Variants in SLC34A1 observed in about 807,000 individuals in gnomAD.
SLC34A1 encodes sodium-dependent phosphate transport protein 2A.
SLC34A1 carries 57 observed loss-of-function variants against 51.4 expected under a neutral mutation model. The observed-to-expected ratio is 1.11, with a 90% CI of 0.90 to 1.38. SLC34A1 has a LOEUF of 1.38. Ranked by LOEUF, SLC34A1 falls within the 40% of genes most tolerant of loss-of-function variation. SLC34A1 has a pLI of 0.00. For synonymous variants in SLC34A1, 368 were observed against 358.0 expected (o/e 1.03, Z -0.32); for missense variants, 796 against 835.6 (o/e 0.95, Z 0.58).
intron 8 of SLC34A1, among the ~76,000 whole-genome samples, chr5:177,393,003 G>C (rs1269557403): frequency 6.6e-6 from 1 of 152,166 alleles, no homozygotes; most frequent in African/African-American, 2.4e-5. Context: ...CTGCGTCCCT[G>C]GATGGTGACA....
chr5:177,386,685 T>C lies in SLC34A1; in HGVS notation c.532+119T>C. ...GCCTCCATTCAGCTTGACTCCTGTA[T>C]CAGCCAGGGACATGAGAGGAGCCCA... On this transcript the variant is annotated intron_variant, in intron 5 of 12. Coordinates refer to ENST00000324417, the MANE Select transcript of SLC34A1 (RefSeq NM_003052.5). The surrounding 1 kb of genome is among the most constrained non-coding windows in gnomAD (Gnocchi z 4.8). 8.2e-7 allele frequency: 1 copy of C among 1,223,670 alleles called. No homozygotes were observed. The highest frequency in any genetic ancestry group is 1.2e-6 in the Non-Finnish European group (1 of 843,502). 75.8% of individuals were successfully genotyped at this position (1,223,670 alleles called of 1,614,324 possible).
chr5:177,398,158 CTA>C lies in SLC34A1; in HGVS notation c.1794_1795del (p.Cys599LeufsTer5). On this transcript the variant is annotated frameshift_variant, in exon 13 of 13. Coordinates refer to ENST00000324417, the MANE Select transcript of SLC34A1 (RefSeq NM_003052.5). LOFTEE classifies it high-confidence loss of function. The surrounding 1 kb of genome is among the most constrained non-coding windows in gnomAD (Gnocchi z 4.7). ...GGACCACCTCATCACCCGCGCCACC[CTA>C]TGCTGTGCCAGGCCTGAGCCCCGCT... ...PLDHLITRAT[L>X]CCARPEPRSP... 1 of 1,612,936 alleles carries C rather than the reference CTA, an allele frequency of 6.2e-7. No individual in the cohort carries two copies. Among genetic ancestry groups the C allele is most frequent in the Non-Finnish European group, 8.5e-7 (1 of 1,179,678 alleles).
chr5:177,398,243 C>G lies in SLC34A1; in HGVS notation c.1877C>G (p.Pro626Arg). 1.2e-6 allele frequency: 2 copies of G among 1,600,136 alleles called. No individual in the cohort carries two copies. Among genetic ancestry groups the G allele is most frequent in the African/African-American group, 1.3e-5 (1 of 75,044 alleles). The part of the protein sequence containing the change: ...LEELPPATPS[P>R]RLALPAHHNA... ...GAGCTACCCCCTGCCACACCCTCCC[C>G]CCGTCTTGCACTGCCTGCTCACCAC... is the stretch of plus-strand genomic sequence containing the variant. The change falls in exon 13 of 13, where the codon CCC (proline) becomes CGC (arginine). Residue 626 changes from proline to arginine, a missense_variant. Coordinates refer to ENST00000324417, the MANE Select transcript of SLC34A1 (RefSeq NM_003052.5). This position sits in a 1 kb window ranked among gnomAD's most constrained non-coding sequence, Gnocchi z 4.7.
intron 5 of SLC34A1, 78 bp from the exon 6 acceptor site, chr5:177,387,683 TG>T: frequency 5.9e-6 from 7 of 1,194,164 alleles, no homozygotes; most frequent in Admixed American, 1.7e-5. Context: ...GGGACGTGGG[TG>T]GGGGGCCTGA....
In SLC34A1 at chr5:177,396,686, A is replaced by G. The variant is rs1488353673; in HGVS notation, c.1175-47A>G. On this transcript the variant is annotated intron_variant, in intron 10 of 12. Transcript: ENST00000324417. This position sits in a 1 kb window ranked among gnomAD's most constrained non-coding sequence, Gnocchi z 4.0. ...GCCCCCGCGGAGGTCTGCTCTCCCAATGTCCCCGCTCTGACCCCAGCCTGC... is the reference window on the plus strand; with the variant it reads ...GCCCCCGCGGAGGTCTGCTCTCCCAGTGTCCCCGCTCTGACCCCAGCCTGC... The G allele has an allele frequency of 1.0e-5, 16 of 1,556,666 alleles. 1 individual carries two copies. The highest frequency in any genetic ancestry group is 5.6e-5 in the South Asian group (5 of 89,878).
chr5:177,387,140 G>A (rs1220348894), intron 5 of SLC34A1, among the ~76,000 whole-genome samples: 1 of 151,880 alleles, frequency 6.6e-6, no homozygotes, highest in Non-Finnish European at 1.5e-5. Context: ...GGAGGCTGAG[G>A]GGGGCAGATC....
chr5:177,390,887 G>A (rs932442343), intron 8 of SLC34A1, among the ~76,000 whole-genome samples: 5 of 152,096 alleles, frequency 3.3e-5, no homozygotes, highest in African/African-American at 1.2e-4. Context: ...CTTCCAAAAT[G>A]CTTCCAACTA....
chr5:177,397,112 AGCT>A, intron 12 of SLC34A1, 38 bp downstream of exon 12: 1 of 1,605,960 alleles, frequency 6.2e-7, no homozygotes, highest in Admixed American at 1.7e-5. Flanking sequence ...GGCAGGATGG[AGCT>A]GCCTCTGGGG....
At chr5:177,390,354 G>C in intron 8 of SLC34A1, 2 of 985,646 alleles carry the variant, frequency 2.0e-6, no homozygotes, top group Non-Finnish European at 2.4e-6. Context: ...AACTATACCT[G>C]CCTGGATTAA....
In SLC34A1 at chr5:177,388,241, C is replaced by A. The variant is rs777207514; in HGVS notation, c.841-36C>A. The stretch of plus-strand genomic sequence containing the variant: ...AGGGTGGGGGTAACAAGGGACCCAG[C>A]CTCCTTCACTCCCCCTGCCCACATC... On this transcript the variant is annotated intron_variant, in intron 7 of 12. Transcript: ENST00000324417. This position sits in a 1 kb window ranked among gnomAD's most constrained non-coding sequence, Gnocchi z 4.3. 8 of 1,613,698 alleles carry A rather than the reference C, an allele frequency of 5.0e-6. No individual in the cohort carries two copies. In the East Asian group the frequency reaches 1.8e-4, roughly 36 times the overall value.
chr5:177,386,524 A>G lies in SLC34A1; in HGVS notation c.490A>G (p.Ser164Gly). Residue 164 changes from serine (S) to glycine (G), a missense_variant, in exon 5 of 13, where the codon AGC becomes GGC. Physicochemically the swap from Ser to Gly is moderately conservative, Grantham distance 56. Coordinates refer to ENST00000324417, the MANE Select transcript of SLC34A1 (RefSeq NM_003052.5). The surrounding 1 kb of genome is among the most constrained non-coding windows in gnomAD (Gnocchi z 4.8). ...GGTGACCGTGCTGGTGCAGAGCTCC[A>G]GCACCTCCACATCCATCATCGTCAG... ...ILVTVLVQSS[S>G]TSTSIIVSMV... is the part of the protein sequence containing the mutation. The G allele has an allele frequency of 5.0e-6, 8 of 1,613,968 alleles. No homozygotes were observed. Among genetic ancestry groups the G allele is most frequent in the Non-Finnish European group, 6.8e-6 (8 of 1,179,856 alleles).
chr5:177,386,318 C>T lies in SLC34A1; in HGVS notation c.357C>T (p.Asp119=), dbSNP rs773893692. 6.2e-7 allele frequency: 1 copy of T among 1,614,262 alleles called. No individual in the cohort carries two copies. The highest frequency in any genetic ancestry group is 1.1e-5 in the South Asian group (1 of 91,088). The change falls in exon 4 of 13, where the codon GAC becomes GAT. Residue 119 remains aspartate, a synonymous_variant. Coordinates refer to ENST00000324417, the MANE Select transcript of SLC34A1 (RefSeq NM_003052.5). The surrounding 1 kb of genome is among the most constrained non-coding windows in gnomAD (Gnocchi z 4.8). ...TFLYLFVCSL[D]MLSSAFQLAG... is the part of the protein sequence containing the mutation. ...TCTACCTCTTCGTCTGCTCCCTGGA[C>T]ATGCTCAGCTCGGCCTTCCAGCTGG...
At chr5:177,387,061 A>C (rs1762599562) in intron 5 of SLC34A1, among the ~76,000 whole-genome samples, 1 of 152,060 alleles carries the variant, frequency 6.6e-6, no homozygotes, top group Non-Finnish European at 1.5e-5. Flanking sequence ...CAGCCTAGCT[A>C]AGTTGACACA....
rs1763030877 is a variant in SLC34A1, at chr5:177,398,086, C to T, written c.1720C>T (p.Gln574Ter). The T allele has an allele frequency of 6.2e-7, 1 of 1,613,220 alleles. No individual in the cohort carries two copies. The highest frequency in any genetic ancestry group is 8.5e-7 in the Non-Finnish European group (1 of 1,179,298). The change falls in exon 13 of 13, where the codon CAG becomes TAG. Residue 574 changes from glutamine to a stop codon, truncating the protein, a stop_gained. Coordinates refer to ENST00000324417, the MANE Select transcript of SLC34A1 (RefSeq NM_003052.5). LOFTEE classifies it high-confidence loss of function. This position sits in a 1 kb window ranked among gnomAD's most constrained non-coding sequence, Gnocchi z 4.7. Reference sequence around the variant, plus strand: ...TCCCGGGCACCTGCCCAAGTGGTTACAGACATGGGACTTCCTGCCTCGCTG... The same window carrying T: ...TCCCGGGCACCTGCCCAAGTGGTTATAGACATGGGACTTCCTGCCTCGCTG... ...RSPGHLPKWLQTWDFLPRWMH... is the reference protein window; with the variant it reads ...RSPGHLPKWL
chr5:177,385,134 T>C (rs1206428333), intron 1 of SLC34A1, among the ~76,000 whole-genome samples: 1 of 152,014 alleles, frequency 6.6e-6, no homozygotes, highest in Non-Finnish European at 1.5e-5. Flanking sequence ...GCCCAGGGGA[T>C]CTCCGTGTGT....
chr5:177,393,023 A>G (rs888885511), intron 8 of SLC34A1, among the ~76,000 whole-genome samples: 1 of 152,174 alleles, frequency 6.6e-6, no homozygotes, highest in African/African-American at 2.4e-5. Context: ...AGTGATCAGG[A>G]GCTGAGTAGC....
In SLC34A1 at chr5:177,396,118, GC is replaced by G. The variant is rs1047340434; in HGVS notation, c.1175-614del. On this transcript the variant is annotated intron_variant, in intron 10 of 12. Coordinates refer to ENST00000324417, the MANE Select transcript of SLC34A1 (RefSeq NM_003052.5). The surrounding 1 kb of genome is among the most constrained non-coding windows in gnomAD (Gnocchi z 4.0). The stretch of plus-strand genomic sequence containing the variant: ...TAAACTTCATGCACTGGGAGGGGCT[GC>G]ATGACAAGTACTAGAATAAGGGGTA... Among the ~76,000 whole-genome samples, 28 of 152,156 alleles carry G rather than the reference GC, an allele frequency of 1.8e-4. No homozygotes were observed. Among genetic ancestry groups the G allele is most frequent in the African/African-American group, 6.8e-4 (28 of 41,422 alleles).
At chr5:177,394,878 C>T (rs140486387) in intron 10 of SLC34A1, among the ~76,000 whole-genome samples, 2 of 151,694 alleles carry the variant, frequency 1.3e-5, no homozygotes, top group South Asian at 4.2e-4. Flanking sequence ...TATTTTTAGT[C>T]GAGACAGGGT....
Position 177,397,837 on chromosome 5 carries a change from G to A in SLC34A1, c.1471G>A (p.Val491Met), listed in dbSNP as rs1763021220. Residue 491 changes from valine (V) to methionine (M), a missense_variant, in exon 13 of 13, where the codon GTG (valine) becomes ATG (methionine). Transcript: ENST00000324417. The part of the protein sequence containing the change: ...NISGILLWYP[V>M]PCTRLPIRMA... Reference sequence around the variant, plus strand: ...CTCGGGTATCCTTCTGTGGTACCCGGTGCCCTGCACACGCCTGCCCATCCG... The same window carrying A: ...CTCGGGTATCCTTCTGTGGTACCCGATGCCCTGCACACGCCTGCCCATCCG... 1.2e-6 allele frequency: 2 copies of A among 1,613,260 alleles called. No homozygotes were observed. The highest frequency in any genetic ancestry group is 1.7e-5 in the Admixed American group (1 of 59,998).
Sources: gnomAD v4.1 joint callset for allele counts (sites outside exome capture counted in the v4.1 genomes callset) on GRCh38, gnomAD v4.1.1 for gene constraint, Gnocchi (gnomAD v3.1) non-coding constraint, MANE v1.5 for transcripts, NCBI Gene and HGNC (gene_info 2026-07-23, HGNC 2026-07-21) for gene names.